The following EXOC6B variants were observed in gnomAD, a reference collection of about 807,000 sequenced individuals.
The protein encoded by EXOC6B is exocyst complex component 6B.
EXOC6B carries 54 observed loss-of-function variants against 113.5 expected under a neutral mutation model. The ratio of observed to expected loss-of-function variants is 0.48; its 90% CI spans 0.38 to 0.60. The LOEUF is 0.60. Ranked by LOEUF, EXOC6B falls within the 20% of genes least tolerant of loss-of-function variation. EXOC6B has a pLI of 0.00. For synonymous variants in EXOC6B, 357 were observed against 339.0 expected (o/e 1.05, Z -0.58); for missense variants, 797 against 977.5 (o/e 0.82, Z 2.46).
chr2:72,403,366 C>A (rs1693477483), intron 18 of EXOC6B, among the ~76,000 whole-genome samples: 1 of 152,000 alleles, frequency 6.6e-6, no homozygotes. Context: ...TAAGTCAGAA[C>A]AGACATACAC....
intron 8 of EXOC6B, among the ~76,000 whole-genome samples, chr2:72,538,919 A>G (rs1001503910): frequency 1.3e-5 from 2 of 151,918 alleles, no homozygotes; most frequent in Admixed American, 6.6e-5. Context: ...ACAGAACTCT[A>G]TGGATGAGCC....
chr2:72,184,724 C>T (rs1678310917), intron 20 of EXOC6B, among the ~76,000 whole-genome samples: 1 of 152,188 alleles, frequency 6.6e-6, no homozygotes, highest in South Asian at 2.1e-4. Flanking sequence ...GACATATACA[C>T]ATGCCTATAT....
At chr2:72,256,337 T>C (rs1046457874) in intron 20 of EXOC6B, among the ~76,000 whole-genome samples, 2 of 152,192 alleles carry the variant, frequency 1.3e-5, no homozygotes, top group Non-Finnish European at 2.9e-5. Context: ...AGGAAAGTAA[T>C]ATCGCAATGA....
chr2:72,227,170 A>G (rs910501258), intron 20 of EXOC6B, among the ~76,000 whole-genome samples: 7 of 152,230 alleles, frequency 4.6e-5, no homozygotes, highest in African/African-American at 1.7e-4. Flanking sequence ...CAGTTAAAAG[A>G]TAGAGGTTCT....
In EXOC6B at chr2:72,379,825, C is replaced by T. The variant is rs965938548; in HGVS notation, c.2026G>A (p.Ala676Thr). Residue 676 changes from alanine to threonine, a missense_variant, in exon 19 of 22, where the codon GCC becomes ACC. By Grantham distance (58) the Ala-to-Thr change is moderately conservative. Transcript: ENST00000272427. The stretch of plus-strand genomic sequence containing the variant: ...AACAAAAGTTGCATCAAGGATGTGG[C>T]TAAATGCTTGCAAGCTGACATACAC... Reference protein sequence around the residue: ...TACMSACKHLATSLMQLLLEA... With the variant: ...TACMSACKHLTTSLMQLLLEA... 6.2e-7 allele frequency: 1 copy of T among 1,612,958 alleles called. No individual in the cohort carries two copies. The highest frequency in any genetic ancestry group is 8.5e-7 in the Non-Finnish European group (1 of 1,179,470).
chr2:72,269,416 G>T (rs1684338949), intron 20 of EXOC6B, among the ~76,000 whole-genome samples: 1 of 152,134 alleles, frequency 6.6e-6, no homozygotes, highest in Non-Finnish European at 1.5e-5. Context: ...AGAGTTCATG[G>T]CTATCTGAAT....
chr2:72,787,640 T>G (rs973213324), intron 1 of EXOC6B, among the ~76,000 whole-genome samples: 1 of 152,102 alleles, frequency 6.6e-6, no homozygotes, highest in African/African-American at 2.4e-5. Context: ...CAGAAAGAAA[T>G]TACTGGTCTA....
intron 6 of EXOC6B, among the ~76,000 whole-genome samples, chr2:72,673,397 C>A (rs2104510837): frequency 6.6e-6 from 1 of 152,346 alleles, no homozygotes; most frequent in Non-Finnish European, 1.5e-5. Context: ...GCCTACAACT[C>A]TGGCTAGCCA....
intron 20 of EXOC6B, among the ~76,000 whole-genome samples, chr2:72,288,155 G>T (rs1319496338): frequency 6.6e-6 from 1 of 152,090 alleles, no homozygotes; most frequent in Non-Finnish European, 1.5e-5. Flanking sequence ...CACTAAGATG[G>T]CTAAAAATAA....
In EXOC6B at chr2:72,348,414, G is replaced by A. The variant is rs149443514; in HGVS notation, c.2123-13394C>T. Among the ~76,000 whole-genome samples the A allele has an allele frequency of 6.8e-3, 1,033 of 152,230 alleles. 12 individuals carry two copies. The highest frequency in any genetic ancestry group is 0.023 in the African/African-American group (963 of 41,548). The stretch of plus-strand genomic sequence containing the variant: ...AAAAAATGTTGCCCTCTTAGATAAT[G>A]AGAGAGCTATATATTTTGTATATGC... On this transcript the variant is annotated intron_variant, in intron 19 of 21. Coordinates refer to ENST00000272427, the MANE Select transcript of EXOC6B (RefSeq NM_015189.3).
At chr2:72,671,139 C>T (rs745981272) in intron 6 of EXOC6B, among the ~76,000 whole-genome samples, 13 of 151,896 alleles carry the variant, frequency 8.6e-5, no homozygotes, top group Non-Finnish European at 7.4e-5. Flanking sequence ...AAAACATAGG[C>T]AACAAAAGCA....
intron 18 of EXOC6B, among the ~76,000 whole-genome samples, chr2:72,458,870 G>A (rs968529372): frequency 1.3e-5 from 2 of 151,984 alleles, no homozygotes; most frequent in African/African-American, 4.8e-5. Context: ...ATGAAATGGG[G>A]ACAGGTGGGC....
At chr2:72,210,801 T>C (rs912012096) in intron 20 of EXOC6B, among the ~76,000 whole-genome samples, 101 of 152,324 alleles carry the variant, frequency 6.6e-4, no homozygotes, top group African/African-American at 2.4e-3. Context: ...GTGGAAACTT[T>C]GGAATCCTTG....
At chr2:72,805,420 AC>A (rs1685526894) in intron 1 of EXOC6B, among the ~76,000 whole-genome samples, 1 of 152,174 alleles carries the variant, frequency 6.6e-6, no homozygotes, top group East Asian at 1.9e-4. Flanking sequence ...CACTGCCAGA[AC>A]TTTGTATACT....
chr2:72,515,682 G>A (rs1701176888), intron 8 of EXOC6B: 1 of 988,392 alleles, frequency 1.0e-6, no homozygotes, highest in Non-Finnish European at 1.2e-6. Flanking sequence ...TTTTCGTTTA[G>A]GGTTTCTGGG....
At chr2:72,521,169 T>C (rs1191483311) in intron 8 of EXOC6B, among the ~76,000 whole-genome samples, 1 of 152,116 alleles carries the variant, frequency 6.6e-6, no homozygotes, top group East Asian at 1.9e-4. Flanking sequence ...CACCCTCCCA[T>C]CTCTTCTGCC....
intron 18 of EXOC6B, among the ~76,000 whole-genome samples, chr2:72,409,309 C>T (rs1268273957): frequency 3.3e-5 from 5 of 152,190 alleles, no homozygotes; most frequent in Non-Finnish European, 5.9e-5. Flanking sequence ...GTCAGTGTGG[C>T]AATTCCTCAG....
chr2:72,275,296 C>T (rs908704664), intron 20 of EXOC6B, among the ~76,000 whole-genome samples: 8 of 152,076 alleles, frequency 5.3e-5, no homozygotes, highest in African/African-American at 1.9e-4. Flanking sequence ...TTTTACCTAC[C>T]TCATTTTGAA....
chr2:72,460,097 A>G (rs62149325), intron 18 of EXOC6B, among the ~76,000 whole-genome samples: 1 of 151,432 alleles, frequency 6.6e-6, no homozygotes, highest in African/African-American at 2.4e-5. Context: ...GAAAAACAAG[A>G]AATGGGGAAA....
Sources: allele counts gnomAD v4.1 joint callset (sites outside exome capture counted in the v4.1 genomes callset), GRCh38; gene constraint gnomAD v4.1.1; transcripts MANE v1.5; gene names NCBI Gene and HGNC (gene_info 2026-07-23, HGNC 2026-07-21).